Variants in ESYT2 observed in about 807,000 individuals in gnomAD.
The protein encoded by ESYT2 is extended synaptotagmin 2.
A neutral mutation model predicts 107.2 loss-of-function variants in ESYT2; 54 were observed. The ratio of observed to expected loss-of-function variants is 0.50; its 90% CI spans 0.40 to 0.63. The LOEUF (loss-of-function observed/expected upper bound fraction) is 0.63, where lower values mean the gene tolerates loss of function less well. Ranked by LOEUF, ESYT2 falls within the 30% of genes least tolerant of loss-of-function variation. The probability of loss-of-function intolerance (pLI) is 0.00; values close to 1 mark genes in which losing one functional copy is unlikely to be tolerated. For missense variants in ESYT2, 1,020 were observed against 1,094.5 expected (o/e 0.93, Z 0.96); for synonymous variants, 491 against 434.1 (o/e 1.13, Z -1.63).
intron 3 of ESYT2, among the ~76,000 whole-genome samples, chr7:158,797,307 C>T (rs1405315672): frequency 6.6e-6 from 1 of 152,124 alleles, no homozygotes; most frequent in Admixed American, 6.5e-5. Flanking sequence ...ACCACCACAC[C>T]CAGCTAACTT....
intron 7 of ESYT2, among the ~76,000 whole-genome samples, chr7:158,770,941 G>A (rs1379044218): frequency 6.6e-6 from 1 of 152,144 alleles, no homozygotes; most frequent in African/African-American, 2.4e-5. Context: ...TTGAGCCCAG[G>A]GGGTTGACAC....
intron 14 of ESYT2, among the ~76,000 whole-genome samples, chr7:158,750,226 T>C (rs1397969373): frequency 1.3e-5 from 2 of 152,092 alleles, no homozygotes; most frequent in Non-Finnish European, 2.9e-5. Flanking sequence ...TATCAAATCT[T>C]GCTTACCAGC....
chr7:158,828,832 C>T (rs1164322879), intron 1 of ESYT2, among the ~76,000 whole-genome samples: 3 of 145,390 alleles, frequency 2.1e-5, no homozygotes, highest in Admixed American at 6.8e-5. Context: ...GGGGGCGGGG[C>T]GGGGTCTGCA....
chr7:158,775,671 C>T (rs1412405063), intron 6 of ESYT2, among the ~76,000 whole-genome samples: 1 of 152,170 alleles, frequency 6.6e-6, no homozygotes, highest in Non-Finnish European at 1.5e-5. Context: ...TCACTATTTC[C>T]CTTCCACCTG....
intron 6 of ESYT2, among the ~76,000 whole-genome samples, chr7:158,785,531 T>C (rs1176583080): frequency 6.6e-6 from 1 of 152,220 alleles, no homozygotes; most frequent in African/African-American, 2.4e-5. Context: ...TTTCTTAAAA[T>C]ATGAAGACTA....
rs555546636 is a variant in ESYT2 at position 158,811,507 on chromosome 7, T to G, written c.331-12435A>C. On this transcript the variant is annotated intron_variant, in intron 1 of 22. Coordinates refer to ENST00000275418, the MANE Select transcript of ESYT2 (RefSeq NM_001367773.1). ...GAGAAATACATCAGAACTGAAATAT[T>G]TGGTGAGACCATAAAGATGAACCAT... Among the ~76,000 whole-genome samples, 45 of 152,320 alleles carry G rather than the reference T, an allele frequency of 3.0e-4. No individual in the cohort carries two copies. In the South Asian group the frequency reaches 8.5e-3, roughly 29 times the overall value.
chr7:158,781,284 AGAACAGTGTGCGGT>A (rs1838785883), intron 6 of ESYT2, among the ~76,000 whole-genome samples: 3 of 93,996 alleles, frequency 3.2e-5, no homozygotes, highest in African/African-American at 1.2e-4. Context: ...AACGAGTGTG[AGAACAGTGTGCGGT>A]GTGTGAGAAC....
At chr7:158,790,471 G>A (rs842456) in intron 4 of ESYT2, among the ~76,000 whole-genome samples, 99,746 of 152,052 alleles carry the variant, frequency 0.66, 34,958 homozygotes, top group Non-Finnish European at 0.78. Context: ...AGAGAAGCCC[G>A]CTTTTAAGCC....
At chr7:158,749,574 T>A (rs1351020130) in intron 15 of ESYT2, 75 bp downstream of exon 15, 1 of 1,408,226 alleles carries the variant, frequency 7.1e-7, no homozygotes, top group Non-Finnish European at 1.0e-6. Flanking sequence ...CAACCCGGCA[T>A]CCCCAGGTGA....
chr7:158,731,937 T>A lies in ESYT2; in HGVS notation c.*2270A>T, dbSNP rs866603742. The A allele has an allele frequency of 9.2e-5, 14 of 152,128 alleles. No individual in the cohort carries two copies. Among genetic ancestry groups the A allele is most frequent in the Admixed American group, 3.9e-4 (6 of 15,250 alleles). 9.4% of individuals were successfully genotyped at this position (152,128 alleles called of 1,614,324 possible). ...GTGCCTCAGAATCACCCCCTTTTTTTAAAAGAGAATGGAGGCAGCTACTGG... is the reference window on the plus strand; with the variant it reads ...GTGCCTCAGAATCACCCCCTTTTTTAAAAAGAGAATGGAGGCAGCTACTGG... On this transcript the variant is annotated 3_prime_UTR_variant, in exon 23 of 23. Coordinates refer to ENST00000275418, the MANE Select transcript of ESYT2 (RefSeq NM_001367773.1).
At chr7:158,801,573 C>T (rs1442186493) in intron 1 of ESYT2, among the ~76,000 whole-genome samples, 1 of 151,608 alleles carries the variant, frequency 6.6e-6, no homozygotes, top group Non-Finnish European at 1.5e-5. Flanking sequence ...ACACAGGGAT[C>T]ACAGAAAACA....
chr7:158,760,162 T>C lies in ESYT2; in HGVS notation c.1234-15A>G, dbSNP rs1377969392. On this transcript the variant is annotated splice_polypyrimidine_tract_variant and intron_variant, in intron 11 of 22. Coordinates refer to ENST00000275418, the MANE Select transcript of ESYT2 (RefSeq NM_001367773.1). ...AGAGTGAACCACTGAAGAGAAAAAA[T>C]GTTTACGTTCAGCAAAAGTTCTTCT... 4.3e-6 allele frequency: 7 copies of C among 1,611,368 alleles called. No individual in the cohort carries two copies. The highest frequency in any genetic ancestry group is 4.2e-6 in the Non-Finnish European group (5 of 1,177,944).
chr7:158,769,872 G>A (rs1397940601), intron 7 of ESYT2, among the ~76,000 whole-genome samples: 1 of 151,762 alleles, frequency 6.6e-6, no homozygotes, highest in Non-Finnish European at 1.5e-5. Flanking sequence ...TATAAAGCTT[G>A]GGACAAGATT....
At chr7:158,744,907 A>G (rs1222988143) in intron 16 of ESYT2, among the ~76,000 whole-genome samples, 1 of 152,204 alleles carries the variant, frequency 6.6e-6, no homozygotes. Context: ...AACTATGACA[A>G]TGTTTGTGGA....
intron 17 of ESYT2, among the ~76,000 whole-genome samples, chr7:158,742,917 G>A (rs1258574277): frequency 1.3e-5 from 2 of 152,134 alleles, no homozygotes; most frequent in Non-Finnish European, 2.9e-5. Flanking sequence ...GTCTCTGCCG[G>A]GGCAAGGAGG....
chr7:158,736,163 G>GAAACCCA (rs201963381), intron 20 of ESYT2, among the ~76,000 whole-genome samples: 36,000 of 152,092 alleles, frequency 0.24, 5,110 homozygotes, highest in East Asian at 0.59. Context: ...CACCGTGCTG[G>GAAACCCA]GGGGCAAGTG....
intron 4 of ESYT2, among the ~76,000 whole-genome samples, chr7:158,791,334 A>G (rs539798006): frequency 6.6e-6 from 1 of 152,344 alleles, no homozygotes; most frequent in Non-Finnish European, 1.5e-5. Context: ...CGGCCCACGC[A>G]TCCTTGGGCT....
At chr7:158,756,945 G>C (rs1192076743) in intron 13 of ESYT2, among the ~76,000 whole-genome samples, 1 of 150,500 alleles carries the variant, frequency 6.6e-6, no homozygotes, top group East Asian at 1.9e-4. Context: ...AAAAAGGAGG[G>C]GATAGATTTT....
In ESYT2 at chr7:158,741,566, T is replaced by C. The variant is rs371929215; in HGVS notation, c.2125A>G (p.Ile709Val). 9.4e-6 allele frequency: 15 copies of C among 1,604,066 alleles called. No homozygotes were observed. In the African/African-American group the frequency reaches 1.1e-4, roughly 11 times the overall value. Reference sequence around the variant, plus strand: ...CTTTGCCGCAGCTCCTGGGTGGCGATGGGCAGCGAGATGTCCGAGGCGATG... The same window carrying C: ...CTTTGCCGCAGCTCCTGGGTGGCGACGGGCAGCGAGATGTCCGAGGCGATG... ...PSIASDISLP[I>V]ATQELRQRLR... The change falls in exon 18 of 23, where the codon ATC (isoleucine) becomes GTC (valine). Residue 709 changes from isoleucine to valine, a missense_variant. Ile to Val is a conservative substitution (Grantham distance 29). Transcript: ENST00000275418.
Sources: allele counts gnomAD v4.1 joint callset (sites outside exome capture counted in the v4.1 genomes callset), GRCh38; gene constraint gnomAD v4.1.1; transcripts MANE v1.5; gene names NCBI Gene and HGNC (gene_info 2026-07-23, HGNC 2026-07-21).